The following ZNF407 variants were observed in gnomAD, a reference collection of about 807,000 sequenced individuals.
ZNF407 encodes the protein zinc finger protein 407.
ZNF407 carries 17 observed loss-of-function variants against 131.2 expected under a neutral mutation model. The observed-to-expected ratio is 0.13, with a 90% CI of 0.09 to 0.19. ZNF407 has a LOEUF of 0.19. Among genes scored for constraint, ZNF407 ranks in the 10% least tolerant of loss-of-function variants. The pLI, the probability that ZNF407 is intolerant of heterozygous loss-of-function variation, is 1.00. For synonymous variants in ZNF407, 1,156 were observed against 1,062.0 expected (o/e 1.09, Z -1.72); for missense variants, 2,681 against 2,830.6 (o/e 0.95, Z 1.20).
At chr18:74,731,630 G>A (rs1381157377) in intron 3 of ZNF407, among the ~76,000 whole-genome samples, 1 of 152,162 alleles carries the variant, frequency 6.6e-6, no homozygotes, top group Non-Finnish European at 1.5e-5. Flanking sequence ...AGTAAGCACT[G>A]CTAATTAGTT....
intron 4 of ZNF407, among the ~76,000 whole-genome samples, chr18:74,865,865 T>C (rs1282934808): frequency 6.6e-6 from 1 of 152,220 alleles, no homozygotes; most frequent in Non-Finnish European, 1.5e-5. Context: ...ACCTCACATA[T>C]GTGTGTATTC....
chr18:75,056,664 A>G (rs1379601422), intron 8 of ZNF407, among the ~76,000 whole-genome samples: 1 of 152,236 alleles, frequency 6.6e-6, no homozygotes, highest in Non-Finnish European at 1.5e-5. Context: ...GTAACAGGAC[A>G]TCTTGCATAA....
chr18:74,667,904 GA>G (rs1417145347), intron 3 of ZNF407, among the ~76,000 whole-genome samples: 1 of 151,988 alleles, frequency 6.6e-6, no homozygotes, highest in Non-Finnish European at 1.5e-5. Context: ...TAAACTGAAA[GA>G]TTTTTTTTTT....
At chr18:74,814,580 A>G (rs1271026954) in intron 4 of ZNF407, among the ~76,000 whole-genome samples, 3 of 151,824 alleles carry the variant, frequency 2.0e-5, no homozygotes, top group African/African-American at 7.2e-5. Context: ...GTATGATTTT[A>G]TCCTCTGTCA....
intron 3 of ZNF407, among the ~76,000 whole-genome samples, chr18:74,672,397 C>T (rs1466456336): frequency 6.6e-6 from 1 of 151,740 alleles, no homozygotes; most frequent in East Asian, 1.9e-4. Flanking sequence ...TTCATTGGAG[C>T]AGTGTTTGTT....
At chr18:75,015,891 A>G (rs1973038320) in intron 8 of ZNF407, among the ~76,000 whole-genome samples, 2 of 152,030 alleles carry the variant, frequency 1.3e-5, no homozygotes, top group Admixed American at 6.6e-5. Flanking sequence ...AATCAGAGAG[A>G]GATATAAATG....
intron 8 of ZNF407, among the ~76,000 whole-genome samples, chr18:74,969,596 A>T (rs1282272218): frequency 6.6e-6 from 1 of 152,136 alleles, no homozygotes; most frequent in Non-Finnish European, 1.5e-5. Flanking sequence ...CCAGGTCACC[A>T]GGTGTCTGTT....
chr18:75,051,473 T>C (rs925176379), intron 8 of ZNF407, among the ~76,000 whole-genome samples: 1 of 152,162 alleles, frequency 6.6e-6, no homozygotes, highest in Non-Finnish European at 1.5e-5. Context: ...TTCTCTCCCA[T>C]TCCCTGACTG....
chr18:74,691,183 G>T (rs956623229), intron 3 of ZNF407, among the ~76,000 whole-genome samples: 1 of 152,100 alleles, frequency 6.6e-6, no homozygotes, highest in Non-Finnish European at 1.5e-5. Context: ...GGAGGCTGAG[G>T]CAGGAGAATT....
chr18:74,634,205 C>A lies in ZNF407; in HGVS notation c.3186C>A (p.Thr1062=). The part of the protein sequence containing the change: ...DYYAVTRREM[T]RHAATEKHKM... ...ACGCGGTGACTCGTCGCGAGATGACCAGGCATGCAGCAACAGAGAAGCACA... is the reference window on the plus strand; with the variant it reads ...ACGCGGTGACTCGTCGCGAGATGACAAGGCATGCAGCAACAGAGAAGCACA... Residue 1062 remains threonine, a synonymous_variant, in exon 2 of 9, where the codon ACC becomes ACA. Coordinates refer to ENST00000299687, the MANE Select transcript of ZNF407 (RefSeq NM_017757.3). 1 of 1,614,028 alleles carries A rather than the reference C, an allele frequency of 6.2e-7. No homozygotes were observed. Among genetic ancestry groups the A allele is most frequent in the Non-Finnish European group, 8.5e-7 (1 of 1,179,892 alleles).
intron 3 of ZNF407, among the ~76,000 whole-genome samples, chr18:74,747,408 C>T (rs1968694600): frequency 6.6e-6 from 1 of 151,726 alleles, no homozygotes; most frequent in Non-Finnish European, 1.5e-5. Context: ...AAATTATTTC[C>T]TCATAATGAC....
chr18:74,782,619 C>T (rs899112298), intron 4 of ZNF407, among the ~76,000 whole-genome samples: 5 of 151,734 alleles, frequency 3.3e-5, no homozygotes, highest in Non-Finnish European at 5.9e-5. Flanking sequence ...CCCCTTTCTC[C>T]CCGTTCTCCC....
chr18:74,630,674 A>G (rs1984018039), intron 1 of ZNF407, among the ~76,000 whole-genome samples: 2 of 152,202 alleles, frequency 1.3e-5, no homozygotes, highest in African/African-American at 2.4e-5. Flanking sequence ...AAATTGAAGT[A>G]TGCTGGTACA....
At chr18:74,670,370 G>A (rs889256155) in intron 3 of ZNF407, among the ~76,000 whole-genome samples, 1 of 152,136 alleles carries the variant, frequency 6.6e-6, no homozygotes, top group African/African-American at 2.4e-5. Context: ...CACAAAATTG[G>A]ATGTCTGAAA....
chr18:74,778,813 T>C (rs1969529961), intron 3 of ZNF407, among the ~76,000 whole-genome samples: 1 of 152,088 alleles, frequency 6.6e-6, no homozygotes, highest in East Asian at 1.9e-4. Context: ...TAGTAAGTGA[T>C]CAGTAAACGT....
intron 7 of ZNF407, among the ~76,000 whole-genome samples, chr18:74,914,461 A>G (rs1971719362): frequency 6.6e-6 from 1 of 152,122 alleles, no homozygotes; most frequent in Non-Finnish European, 1.5e-5. Context: ...TACCTTTAGA[A>G]CTGGGAGCCA....
intron 3 of ZNF407, among the ~76,000 whole-genome samples, chr18:74,696,074 C>G (rs1439308557): frequency 1.3e-5 from 2 of 152,154 alleles, no homozygotes; most frequent in Non-Finnish European, 2.9e-5. Flanking sequence ...ACTTACACGA[C>G]TTTACAGTCC....
chr18:74,863,662 C>T (rs931928602), intron 4 of ZNF407, among the ~76,000 whole-genome samples: 1 of 152,096 alleles, frequency 6.6e-6, no homozygotes, highest in Non-Finnish European at 1.5e-5. Flanking sequence ...CAGACTGCAG[C>T]GAATTAAAGG....
At chr18:74,700,900 A>C (rs1201306410) in intron 3 of ZNF407, among the ~76,000 whole-genome samples, 1 of 152,100 alleles carries the variant, frequency 6.6e-6, no homozygotes, top group Non-Finnish European at 1.5e-5. Context: ...ATTTAGTGGG[A>C]GCTCTGGACT....
Sources: gnomAD v4.1 joint callset for allele counts (sites outside exome capture counted in the v4.1 genomes callset) on GRCh38, gnomAD v4.1.1 for gene constraint, MANE v1.5 for transcripts, NCBI Gene and HGNC (gene_info 2026-07-23, HGNC 2026-07-21) for gene names.